The following SYNPR variants were observed in gnomAD, a reference collection of about 807,000 sequenced individuals.
SYNPR encodes synaptoporin.
In SYNPR, 23 loss-of-function variants were observed where a neutral mutation model predicts 32.9. That is an observed-to-expected ratio of 0.70 (90% CI 0.50 to 0.99). The LOEUF (loss-of-function observed/expected upper bound fraction) is 0.99. Among genes scored for constraint, SYNPR ranks in the 50% least tolerant of loss-of-function variants. The pLI is 0.00. For synonymous variants in SYNPR, 146 were observed against 135.9 expected (o/e 1.07, Z -0.52); for missense variants, 318 against 349.3 (o/e 0.91, Z 0.71).
intron 3 of SYNPR, among the ~76,000 whole-genome samples, chr3:63,511,672 A>G (rs1385324477): frequency 6.6e-6 from 1 of 152,108 alleles, no homozygotes; most frequent in Non-Finnish European, 1.5e-5. Flanking sequence ...ATATGGCCCC[A>G]TCTGAGTAGC....
chr3:63,371,010 G>A (rs80080805), intron 2 of SYNPR, among the ~76,000 whole-genome samples: 3,702 of 152,152 alleles, frequency 0.024, 135 homozygotes, highest in African/African-American at 0.084. Flanking sequence ...GTAAACCCTA[G>A]ACCTTTAACT....
At chr3:63,432,091 C>T (rs1015570643) in intron 2 of SYNPR, among the ~76,000 whole-genome samples, 3 of 152,144 alleles carry the variant, frequency 2.0e-5, no homozygotes, top group Middle Eastern at 3.2e-3. Context: ...ACCTGCTTCC[C>T]GCACCTCCTA....
At chr3:63,589,430 C>A (rs1703266553) in intron 4 of SYNPR, among the ~76,000 whole-genome samples, 1 of 152,090 alleles carries the variant, frequency 6.6e-6, no homozygotes, top group Non-Finnish European at 1.5e-5. Context: ...CAAGACCTGG[C>A]ACCTGGTAGA....
intron 2 of SYNPR, among the ~76,000 whole-genome samples, chr3:63,344,280 C>T (rs1482740573): frequency 6.6e-6 from 1 of 152,166 alleles, no homozygotes; most frequent in East Asian, 1.9e-4. Context: ...CAGTTGTCTG[C>T]TGCACTTCTT....
intron 2 of SYNPR, among the ~76,000 whole-genome samples, chr3:63,312,291 C>T (rs977963876): frequency 3.3e-5 from 5 of 151,974 alleles, no homozygotes; most frequent in African/African-American, 1.2e-4. Flanking sequence ...ACCATACTTG[C>T]AGTTCTATAA....
chr3:63,224,779 A>G (rs901340224), upstream of SYNPR, among the ~76,000 whole-genome samples: 1 of 152,126 alleles, frequency 6.6e-6, no homozygotes, highest in Admixed American at 6.5e-5. Flanking sequence ...GGTGTCTGAG[A>G]CCCTGGCTGT....
chr3:63,445,085 C>T (rs1296389745), intron 2 of SYNPR, among the ~76,000 whole-genome samples: 1 of 151,970 alleles, frequency 6.6e-6, no homozygotes, highest in Non-Finnish European at 1.5e-5. Context: ...CCCTCAACGT[C>T]CTTTAATATT....
At chr3:63,391,278 A>T (rs773680933) in intron 2 of SYNPR, among the ~76,000 whole-genome samples, 7 of 152,076 alleles carry the variant, frequency 4.6e-5, no homozygotes, top group Non-Finnish European at 7.4e-5. Flanking sequence ...AGTCCATAAA[A>T]TTTGCACCAA....
chr3:63,434,461 T>C (rs1229478084), intron 2 of SYNPR, among the ~76,000 whole-genome samples: 1 of 152,224 alleles, frequency 6.6e-6, no homozygotes, highest in Non-Finnish European at 1.5e-5. Context: ...CAGTTGGCTA[T>C]GACACCCCCC....
At position 63,494,320 on chromosome 3, in the gene SYNPR, C is replaced by A. The variant is rs547789369; in HGVS notation, c.209+13364C>A. Among the ~76,000 whole-genome samples the A allele has an allele frequency of 3.8e-4, 56 of 147,804 alleles. No homozygotes were observed. In the South Asian group the frequency reaches 7.0e-3, roughly 19 times the overall value. On this transcript the variant is annotated intron_variant, in intron 3 of 5. Transcript: ENST00000478300. ...TGTCCCCTTAAAAAAGGCTGAAGTG[C>A]TAGTTGCCTTCTCCACCTCAGCCAA...
chr3:63,379,509 G>T (rs369588190), intron 2 of SYNPR, among the ~76,000 whole-genome samples: 1 of 151,898 alleles, frequency 6.6e-6, no homozygotes, highest in South Asian at 2.1e-4. Context: ...TCTGTTTTTT[G>T]GTATGTACAC....
intron 2 of SYNPR, among the ~76,000 whole-genome samples, chr3:63,421,767 G>T (rs1699805623): frequency 1.3e-5 from 2 of 152,154 alleles, no homozygotes; most frequent in Admixed American, 1.3e-4. Context: ...TTGTTGGCAG[G>T]ATTCAGTTCT....
chr3:63,517,467 G>A (rs961677804), intron 3 of SYNPR, among the ~76,000 whole-genome samples: 13 of 151,894 alleles, frequency 8.6e-5, no homozygotes, highest in Non-Finnish European at 1.3e-4. Context: ...ATAGAAAAAC[G>A]GACACTTCTA....
chr3:63,244,372 G>A (rs994693067), intron 1 of SYNPR, among the ~76,000 whole-genome samples: 4 of 152,080 alleles, frequency 2.6e-5, no homozygotes, highest in Non-Finnish European at 5.9e-5. Flanking sequence ...GTAGTTTCCT[G>A]CAATACACAA....
intron 2 of SYNPR, among the ~76,000 whole-genome samples, chr3:63,303,378 G>A (rs777495524): frequency 1.3e-5 from 2 of 151,980 alleles, no homozygotes; most frequent in Non-Finnish European, 2.9e-5. Context: ...GAGACACTGG[G>A]CAAACCACTA....
chr3:63,308,262 C>T (rs571447166), intron 2 of SYNPR, among the ~76,000 whole-genome samples: 30 of 152,018 alleles, frequency 2.0e-4, no homozygotes, highest in South Asian at 4.1e-4. Flanking sequence ...TTAATGGTGA[C>T]GTCATCAACA....
intron 1 of SYNPR, among the ~76,000 whole-genome samples, chr3:63,250,831 T>A (rs2106889054): frequency 6.6e-6 from 1 of 152,280 alleles, no homozygotes; most frequent in East Asian, 1.9e-4. Context: ...GATGATGTGC[T>A]GAGCATGTGT....
chr3:63,552,113 G>A (rs573042040), intron 3 of SYNPR, among the ~76,000 whole-genome samples: 1 of 152,072 alleles, frequency 6.6e-6, no homozygotes, highest in East Asian at 1.9e-4. Context: ...GGTCAGGCTG[G>A]TCTCGAACTC....
rs528499752 is a variant in SYNPR, at chr3:63,383,753, CA to C, written c.85-97077del. On this transcript the variant is annotated intron_variant, in intron 2 of 5. Coordinates refer to ENST00000478300, the MANE Select transcript of SYNPR (RefSeq NM_001130003.2). ...ATAGCACTCCTCTCTATGATGACAC[CA>C]AGAAGAACATCTTTGCTTCATAAAA... 2.2e-4 allele frequency among the ~76,000 whole-genome samples: 33 copies of C among 152,186 alleles called. No homozygotes were observed. The East Asian group carries it at 5.2e-3, about 24-fold the overall frequency.
Sources: allele counts gnomAD v4.1 joint callset (sites outside exome capture counted in the v4.1 genomes callset), GRCh38; gene constraint gnomAD v4.1.1; transcripts MANE v1.5; gene names NCBI Gene and HGNC (gene_info 2026-07-23, HGNC 2026-07-21).